FAM163A: variants seen among roughly 807,000 people sequenced by gnomAD.
The protein encoded by FAM163A is family with sequence similarity 163 member A, also known as protein FAM163A.
FAM163A carries 7 observed loss-of-function variants against 12.0 expected under a neutral mutation model. That is an observed-to-expected ratio of 0.58 (90% CI 0.33 to 1.10). FAM163A has a LOEUF of 1.10. Among genes scored for constraint, FAM163A ranks in the 50% least tolerant of loss-of-function variants. The pLI is 0.03. For synonymous variants in FAM163A, 101 were observed against 91.0 expected, an observed-to-expected ratio of 1.11 and a Z score of -0.62; for missense variants, 202 against 218.6, an observed-to-expected ratio of 0.92 and a Z score of 0.48.
chr1:179,809,951 G>C (rs1287658791), intron 2 of FAM163A, among the ~76,000 whole-genome samples: 2 of 152,154 alleles, frequency 1.3e-5, no homozygotes, highest in South Asian at 2.1e-4. Context: ...AAGTGGTCTC[G>C]AACAGTGACG....
chr1:179,762,585 C>CT (rs757336336), intron 1 of FAM163A, among the ~76,000 whole-genome samples: 1 of 152,174 alleles, frequency 6.6e-6, no homozygotes, highest in African/African-American at 2.4e-5. Context: ...GAAATGCTTT[C>CT]TTTTTTTATT....
intron 1 of FAM163A, among the ~76,000 whole-genome samples, chr1:179,796,930 G>A (rs1251184427): frequency 6.6e-6 from 1 of 152,240 alleles, no homozygotes; most frequent in African/African-American, 2.4e-5. Context: ...CCATGGGTTA[G>A]CCACCACATG....
intron 1 of FAM163A, among the ~76,000 whole-genome samples, chr1:179,758,254 A>T (rs1686307240): frequency 6.6e-6 from 1 of 152,246 alleles, no homozygotes; most frequent in South Asian, 2.1e-4. Context: ...GCACAAAGTC[A>T]TATAGACTTA....
the FAM163A span, among the ~76,000 whole-genome samples, chr1:179,734,584 C>T: frequency 6.6e-6 from 1 of 152,216 alleles, no homozygotes; most frequent in Non-Finnish European, 1.5e-5. Flanking sequence ...TTCCTTCTTG[C>T]TGTGTCCTCA....
At chr1:179,762,970 TAG>T (rs1687013639) in intron 1 of FAM163A, among the ~76,000 whole-genome samples, 1 of 152,084 alleles carries the variant, frequency 6.6e-6, no homozygotes, top group African/African-American at 2.4e-5. Flanking sequence ...GAAAAACAAA[TAG>T]AAATTTGTCA....
intron 2 of FAM163A, among the ~76,000 whole-genome samples, chr1:179,809,115 AT>A (rs1007907084): frequency 7.3e-5 from 11 of 150,708 alleles, no homozygotes; most frequent in East Asian, 1.9e-4. Context: ...TCAAAAAAAA[AT>A]TTTTTTTTTC....
intron 1 of FAM163A, among the ~76,000 whole-genome samples, chr1:179,748,630 G>A (rs781235942): frequency 4.6e-5 from 7 of 152,332 alleles, no homozygotes; most frequent in Non-Finnish European, 8.8e-5. Context: ...CAAACACTAA[G>A]TAGAGGAGCA....
At chr1:179,802,123 T>C (rs1693266041) in intron 1 of FAM163A, among the ~76,000 whole-genome samples, 1 of 152,232 alleles carries the variant, frequency 6.6e-6, no homozygotes, top group African/African-American at 2.4e-5. Context: ...CATAGCACAG[T>C]ATCATGATCA....
intron 1 of FAM163A, among the ~76,000 whole-genome samples, chr1:179,784,296 T>TGGTGGAGGA (rs747576243): frequency 1.3e-5 from 2 of 152,176 alleles, no homozygotes; most frequent in Non-Finnish European, 2.9e-5. Flanking sequence ...TTGAGAGCAG[T>TGGTGGAGGA]GGTGGAGGAG....
chr1:179,798,436 G>A (rs1169204183), intron 1 of FAM163A, among the ~76,000 whole-genome samples: 1 of 152,202 alleles, frequency 6.6e-6, no homozygotes, highest in African/African-American at 2.4e-5. Context: ...CCTCTGGATG[G>A]CCCCTCCAGT....
chr1:179,734,251 T>C, the FAM163A span, among the ~76,000 whole-genome samples: 2 of 152,196 alleles, frequency 1.3e-5, no homozygotes, highest in Non-Finnish European at 1.5e-5. Context: ...TGTAGACCTA[T>C]ATAGGAGAAC....
intron 1 of FAM163A, among the ~76,000 whole-genome samples, chr1:179,747,164 T>A (rs1684588211): frequency 2.3e-5 from 2 of 86,448 alleles, no homozygotes; most frequent in Non-Finnish European, 4.5e-5. Context: ...AGAGAGATGC[T>A]TGGAAAAAAA....
intron 1 of FAM163A, among the ~76,000 whole-genome samples, chr1:179,803,195 A>G (rs1406165147): frequency 1.3e-5 from 2 of 152,336 alleles, no homozygotes; most frequent in Middle Eastern, 3.4e-3. Context: ...TGTCAATTTC[A>G]TAAGTTAATA....
chr1:179,804,501 A>C (rs572768173), intron 1 of FAM163A, among the ~76,000 whole-genome samples: 1 of 152,396 alleles, frequency 6.6e-6, no homozygotes, highest in Admixed American at 6.5e-5. Flanking sequence ...AGACACATGC[A>C]CACATGTGCT....
the FAM163A span, among the ~76,000 whole-genome samples, chr1:179,737,748 T>C: frequency 6.6e-6 from 1 of 151,040 alleles, no homozygotes; most frequent in Admixed American, 6.6e-5. Context: ...GGCAGGAGAA[T>C]GGCATGAACC....
intron 1 of FAM163A, among the ~76,000 whole-genome samples, chr1:179,772,524 GA>G (rs1418353597): frequency 6.6e-6 from 1 of 152,228 alleles, no homozygotes; most frequent in Non-Finnish European, 1.5e-5. Flanking sequence ...TGCTGATTCA[GA>G]AACTCTGTAG....
intron 1 of FAM163A, among the ~76,000 whole-genome samples, chr1:179,804,224 TGGA>T (rs1235404763): frequency 6.6e-6 from 1 of 152,202 alleles, no homozygotes; most frequent in African/African-American, 2.4e-5. Flanking sequence ...TCAGTAACTC[TGGA>T]GTCTCCATTT....
At position 179,812,623 on chromosome 1, in the gene FAM163A, G is replaced by A. The variant is rs535992883; in HGVS notation, c.-22-453G>A. ...GGGTGGAATCGCAGCCAAATTATTC[G>A]CAGCCCCGTTCAGCATGCGTGCGGT... On this transcript the variant is annotated intron_variant, in intron 3 of 4. Transcript: ENST00000341785. Among the ~76,000 whole-genome samples, 7 of 152,240 alleles carry A rather than the reference G, an allele frequency of 4.6e-5. No individual in the cohort carries two copies. In the South Asian group the frequency reaches 1.4e-3, roughly 32 times the overall value.
chr1:179,813,924 C>T lies in FAM163A; in HGVS notation c.239C>T (p.Thr80Ile). 1 of 1,613,786 alleles carries T rather than the reference C, an allele frequency of 6.2e-7. No homozygotes were observed. Residue 80 changes from threonine to isoleucine, a missense_variant, in exon 5 of 5, where the codon ACC (threonine) becomes ATC (isoleucine). Thr to Ile is a moderately conservative substitution (Grantham distance 89, BLOSUM62 -1). Transcript: ENST00000341785. The part of the protein sequence containing the change: ...LDGRGSLAPL[T>I]SEPCSQPCGV... ...GGCAGAGGCAGCCTGGCGCCTCTCA[C>T]CAGCGAGCCCTGCAGCCAGCCCTGT...
Sources: allele counts gnomAD v4.1 joint callset (sites outside exome capture counted in the v4.1 genomes callset), GRCh38; gene constraint gnomAD v4.1.1; transcripts MANE v1.5; gene names NCBI Gene and HGNC (gene_info 2026-07-23, HGNC 2026-07-21).